RNGTT: variants seen among roughly 807,000 people sequenced by gnomAD.
The protein encoded by RNGTT is mRNA-capping enzyme.
RNGTT carries 33 observed loss-of-function variants against 79.3 expected under a neutral mutation model. The observed-to-expected ratio is 0.42, with a 90% CI of 0.32 to 0.56. The LOEUF (loss-of-function observed/expected upper bound fraction) is 0.56, where lower values mean the gene tolerates loss of function less well. Ranked by LOEUF, RNGTT falls within the 20% of genes least tolerant of loss-of-function variation. The pLI, the probability that RNGTT is intolerant of heterozygous loss-of-function variation, is 0.17. For synonymous variants in RNGTT, 222 were observed against 235.9 expected, an observed-to-expected ratio of 0.94 and a Z score of 0.54; for missense variants, 497 against 739.1, an observed-to-expected ratio of 0.67 and a Z score of 3.80.
At chr6:88,770,962 A>G (rs552255337) in intron 12 of RNGTT, among the ~76,000 whole-genome samples, 10 of 152,070 alleles carry the variant, frequency 6.6e-5, no homozygotes, top group Non-Finnish European at 1.3e-4. Context: ...TGTTTGACTC[A>G]TTACTGCCTT....
At chr6:88,771,030 A>G (rs1778639088) in intron 12 of RNGTT, among the ~76,000 whole-genome samples, 1 of 151,970 alleles carries the variant, frequency 6.6e-6, no homozygotes, top group Non-Finnish European at 1.5e-5. Flanking sequence ...ATGTATTACA[A>G]ATATTTTCTA....
At chr6:88,694,359 T>TA (rs1350044799) in intron 13 of RNGTT, among the ~76,000 whole-genome samples, 1 of 152,016 alleles carries the variant, frequency 6.6e-6, no homozygotes. Context: ...TTATAATAGT[T>TA]AAAAAATGAA....
intron 12 of RNGTT, among the ~76,000 whole-genome samples, chr6:88,781,428 T>A (rs549809757): frequency 6.6e-6 from 1 of 152,066 alleles, no homozygotes; most frequent in South Asian, 2.1e-4. Flanking sequence ...CTGTCCTTAC[T>A]ATAATATTAG....
chr6:88,762,601 A>G (rs1778306717), intron 13 of RNGTT, among the ~76,000 whole-genome samples: 1 of 152,234 alleles, frequency 6.6e-6, no homozygotes, highest in Admixed American at 6.5e-5. Flanking sequence ...CCAATAGTAT[A>G]TCTTGCAGCC....
intron 14 of RNGTT, among the ~76,000 whole-genome samples, chr6:88,671,617 T>C (rs1487831222): frequency 6.6e-6 from 1 of 152,076 alleles, no homozygotes; most frequent in Non-Finnish European, 1.5e-5. Flanking sequence ...AAAAGTCATA[T>C]GGAATAAAAA....
At chr6:88,962,717 C>G (rs181807490) in intron 1 of RNGTT, among the ~76,000 whole-genome samples, 1 of 151,852 alleles carries the variant, frequency 6.6e-6, no homozygotes, top group East Asian at 1.9e-4. Flanking sequence ...GCCTGGACGA[C>G]AGAGAGAGAC....
intron 12 of RNGTT, among the ~76,000 whole-genome samples, chr6:88,776,172 T>C (rs1339862544): frequency 1.3e-5 from 2 of 152,176 alleles, no homozygotes; most frequent in African/African-American, 2.4e-5. Flanking sequence ...ACACCCTTAC[T>C]CTCCACACCT....
At chr6:88,726,389 C>CA (rs61210098) in intron 13 of RNGTT, among the ~76,000 whole-genome samples, 3,887 of 99,354 alleles carry the variant, frequency 0.039, 111 homozygotes, top group African/African-American at 0.13. Flanking sequence ...ATCCTAAGTC[C>CA]AAAAAAAAAA....
chr6:88,819,369 AG>A (rs1486440481), intron 11 of RNGTT, among the ~76,000 whole-genome samples: 2 of 152,156 alleles, frequency 1.3e-5, no homozygotes, highest in East Asian at 3.9e-4. Context: ...AACAGCCCCA[AG>A]AAAAAAAGAA....
At chr6:88,775,023 T>C (rs1343579825) in intron 12 of RNGTT, among the ~76,000 whole-genome samples, 1 of 152,202 alleles carries the variant, frequency 6.6e-6, no homozygotes, top group Admixed American at 6.5e-5. Flanking sequence ...TAAATATAAA[T>C]AAATCACACT....
At chr6:88,829,720 A>C (rs1453133762) in intron 11 of RNGTT, among the ~76,000 whole-genome samples, 2 of 150,448 alleles carry the variant, frequency 1.3e-5, no homozygotes, top group Admixed American at 6.6e-5. Flanking sequence ...AAAAAAAAAA[A>C]AAAACCAGGG....
At chr6:88,823,925 T>A (rs1240818378) in intron 11 of RNGTT, among the ~76,000 whole-genome samples, 1 of 152,154 alleles carries the variant, frequency 6.6e-6, no homozygotes, top group Non-Finnish European at 1.5e-5. Flanking sequence ...AAATATCATA[T>A]GTGGAAATAC....
chr6:88,655,835 C>T (rs113945086), intron 14 of RNGTT, among the ~76,000 whole-genome samples: 1,970 of 152,154 alleles, frequency 0.013, 46 homozygotes, highest in African/African-American at 0.045. Flanking sequence ...TCTCCATTAA[C>T]AACCCTTTGG....
Position 88,653,911 on chromosome 6 carries a change from A to C in RNGTT, c.1506+24442T>G, listed in dbSNP as rs552804081. Among the ~76,000 whole-genome samples the C allele has an allele frequency of 3.9e-5, 6 of 152,360 alleles. No homozygotes were observed. In the South Asian group the frequency reaches 1.2e-3, roughly 32 times the overall value. On this transcript the variant is annotated intron_variant, in intron 14 of 15. Coordinates refer to ENST00000369485, the MANE Select transcript of RNGTT (RefSeq NM_003800.5). ...TAAGTTGTCTAAGGACATAAAGATAATATTGAGATTGAAACGTGTGTATTT... is the reference window on the plus strand; with the variant it reads ...TAAGTTGTCTAAGGACATAAAGATACTATTGAGATTGAAACGTGTGTATTT...
chr6:88,623,270 A>G (rs1476716079), intron 14 of RNGTT, among the ~76,000 whole-genome samples: 1 of 152,140 alleles, frequency 6.6e-6, no homozygotes, highest in Admixed American at 6.6e-5. Context: ...ATGTCTCTAC[A>G]AGCCTTTGAA....
chr6:88,901,789 G>A (rs958041066), intron 6 of RNGTT, among the ~76,000 whole-genome samples: 16 of 151,920 alleles, frequency 1.1e-4, no homozygotes, highest in Admixed American at 8.5e-4. Context: ...GAGCCACTGC[G>A]CCCAGCTAAC....
rs977778654 is a variant in RNGTT at position 88,698,363 on chromosome 6, G to C, written c.1440-19944C>G. Among the ~76,000 whole-genome samples the C allele has an allele frequency of 2.8e-5, 4 of 145,454 alleles. No individual in the cohort carries two copies. The Admixed American group carries it at 2.8e-4, about 10-fold the overall frequency. ...GTATTGAATTATCATTATTAGAAATGAAAAATTGCTAGCTATCTTGATTTT... is the reference window on the plus strand; with the variant it reads ...GTATTGAATTATCATTATTAGAAATCAAAAATTGCTAGCTATCTTGATTTT... On this transcript the variant is annotated intron_variant, in intron 13 of 15. Coordinates refer to ENST00000369485, the MANE Select transcript of RNGTT (RefSeq NM_003800.5).
chr6:88,869,834 G>T (rs1296718731), intron 8 of RNGTT, among the ~76,000 whole-genome samples: 2 of 151,948 alleles, frequency 1.3e-5, no homozygotes, highest in Non-Finnish European at 2.9e-5. Flanking sequence ...CTGCTTAAAG[G>T]CTGTAATTTA....
chr6:88,762,513 T>C (rs1412851866), intron 13 of RNGTT, among the ~76,000 whole-genome samples: 1 of 152,214 alleles, frequency 6.6e-6, no homozygotes. Flanking sequence ...TAAAATCTTA[T>C]ATACAAGTTG....
Sources: allele counts gnomAD v4.1 joint callset (sites outside exome capture counted in the v4.1 genomes callset), GRCh38; gene constraint gnomAD v4.1.1; transcripts MANE v1.5; gene names NCBI Gene and HGNC (gene_info 2026-07-23, HGNC 2026-07-21).